The following HSD17B4 variants were observed in gnomAD, a reference collection of about 807,000 sequenced individuals.
The protein encoded by HSD17B4 is hydroxysteroid 17-beta dehydrogenase 4.
Under a neutral mutation model 101.0 loss-of-function variants are expected in HSD17B4, and 70 were observed. The ratio of observed to expected loss-of-function variants is 0.69; its 90% confidence interval spans 0.57 to 0.85. HSD17B4 has a LOEUF of 0.85. Among genes scored for constraint, HSD17B4 ranks in the 40% least tolerant of loss-of-function variants. The pLI, the probability that HSD17B4 is intolerant of heterozygous loss-of-function variation, is 0.00. For missense variants in HSD17B4, 984 were observed against 892.4 expected, an observed-to-expected ratio of 1.10 and a Z score of -1.31; for synonymous variants, 347 against 297.1, an observed-to-expected ratio of 1.17 and a Z score of -1.73.
At chr5:119,530,561 A>G (rs555227171) in intron 21 of HSD17B4, among the ~76,000 whole-genome samples, 18 of 151,796 alleles carry the variant, frequency 1.2e-4, no homozygotes, top group Non-Finnish European at 2.1e-4. Context: ...CTAAGAAAAA[A>G]AAAAACTTAG....
rs139609197 is a variant in HSD17B4, at chr5:119,536,541, C to A, written c.2112C>A (p.Asp704Glu). The A allele has an allele frequency of 1.8e-4, 287 of 1,611,748 alleles. No homozygotes were observed. The highest frequency in any genetic ancestry group is 2.4e-4 in the Non-Finnish European group (281 of 1,178,128). The change falls in exon 23 of 24, where the codon GAC becomes GAA. Residue 704 changes from aspartate to glutamate, a missense_variant. Coordinates refer to ENST00000510025, the MANE Select transcript of HSD17B4 (RefSeq NM_000414.4). ...TGGAGGTGGTCCTGGGCAAGCTTGA[C>A]CCTCAGAAGGTAATGTTCTCAAATG... ...DFMEVVLGKLDPQKAFFSGRL... is the reference protein window; with the variant it reads ...DFMEVVLGKLEPQKAFFSGRL...
Position 119,496,608 on chromosome 5 carries a change from C to T in HSD17B4, c.934C>T (p.His312Tyr), listed in dbSNP as rs974081530. ...TTCAGAAGGAGGAGTTTCAGCAAAT[C>T]ATACTAGTCGTGCAACGTCTACAGC... ...IDSEGGVSANHTSRATSTATS... is the reference protein window; with the variant it reads ...IDSEGGVSANYTSRATSTATS... Residue 312 changes from histidine (H) to tyrosine (Y), a missense_variant, in exon 12 of 24, where the codon CAT becomes TAT. His to Tyr is a moderately conservative substitution (Grantham distance 83). Transcript: ENST00000510025. 1.9e-6 allele frequency: 3 copies of T among 1,606,028 alleles called. No individual in the cohort carries two copies. Among genetic ancestry groups the T allele is most frequent in the Non-Finnish European group, 2.6e-6 (3 of 1,172,688 alleles).
intron 8 of HSD17B4, among the ~76,000 whole-genome samples, chr5:119,480,691 A>C (rs1219635190): frequency 6.6e-6 from 1 of 152,134 alleles, no homozygotes; most frequent in Admixed American, 6.6e-5. Context: ...GGTCTGACCA[A>C]AATTTATTAG....
chr5:119,459,373 A>G (rs1467677230), intron 2 of HSD17B4, among the ~76,000 whole-genome samples: 1 of 152,210 alleles, frequency 6.6e-6, no homozygotes. Context: ...CCTGCTTACC[A>G]TATATGACTC....
intron 16 of HSD17B4, among the ~76,000 whole-genome samples, chr5:119,512,282 A>C (rs1752245483): frequency 1.3e-5 from 2 of 152,310 alleles, no homozygotes; most frequent in Non-Finnish European, 2.9e-5. Context: ...AGAAAGGAAC[A>C]GAAAAAAATT....
chr5:119,494,063 A>G (rs776262464), intron 11 of HSD17B4, 117 bp downstream of exon 11: 34 of 1,016,012 alleles, frequency 3.3e-5, no homozygotes, highest in Non-Finnish European at 4.8e-5. Flanking sequence ...TGAATCGTCT[A>G]TAGCATATTT....
At chr5:119,462,464 A>G (rs554040689) in intron 2 of HSD17B4, among the ~76,000 whole-genome samples, 20 of 151,964 alleles carry the variant, frequency 1.3e-4, no homozygotes, top group Admixed American at 1.0e-3. Flanking sequence ...AGTAGGAACA[A>G]TTGTTACTGC....
intron 14 of HSD17B4, among the ~76,000 whole-genome samples, chr5:119,502,505 C>CT (rs150987924): frequency 0.11 from 16,219 of 145,948 alleles, 1,055 homozygotes; most frequent in South Asian, 0.15. Flanking sequence ...TCATTTTTTT[C>CT]TTTTTTTTTG....
chr5:119,533,326 C>T (rs552617530), intron 22 of HSD17B4, among the ~76,000 whole-genome samples: 2 of 148,414 alleles, frequency 1.3e-5, no homozygotes, highest in African/African-American at 2.5e-5. Flanking sequence ...TAATTATTTA[C>T]AGGCTGTGTG....
chr5:119,490,137 GA>G (rs771014089), intron 9 of HSD17B4, among the ~76,000 whole-genome samples: 2 of 151,952 alleles, frequency 1.3e-5, no homozygotes, highest in Non-Finnish European at 2.9e-5. Context: ...TCATTTGAAT[GA>G]AAAGCTGATG....
chr5:119,494,337 CTTT>C (rs769912204), intron 11 of HSD17B4, among the ~76,000 whole-genome samples: 1,524 of 136,930 alleles, frequency 0.011, 11 homozygotes, highest in Non-Finnish European at 0.017. Flanking sequence ...TTCTTTCTTT[CTTT>C]CTTTCTTTCT....
chr5:119,482,992 A>G (rs1359422859), intron 8 of HSD17B4, among the ~76,000 whole-genome samples: 1 of 151,978 alleles, frequency 6.6e-6, no homozygotes, highest in Non-Finnish European at 1.5e-5. Flanking sequence ...TAGGTCAGAC[A>G]AGGCTCTGGT....
At chr5:119,476,002 C>G in intron 6 of HSD17B4, 132 bp downstream of exon 6, 2 of 700,526 alleles carry the variant, frequency 2.9e-6, no homozygotes, top group South Asian at 3.2e-5. Flanking sequence ...GATGAGTAAA[C>G]TGTATACTGA....
chr5:119,483,715 A>G (rs1170350817), intron 8 of HSD17B4, among the ~76,000 whole-genome samples: 2 of 152,160 alleles, frequency 1.3e-5, no homozygotes, highest in Non-Finnish European at 2.9e-5. Context: ...CAAATGGTCA[A>G]CAGCCAATTT....
chr5:119,518,529 G>C (rs1752846841), intron 17 of HSD17B4, among the ~76,000 whole-genome samples: 1 of 152,162 alleles, frequency 6.6e-6, no homozygotes, highest in Non-Finnish European at 1.5e-5. Flanking sequence ...CGGATATGTA[G>C]GGCTTGCAGT....
chr5:119,455,079 T>C (rs1168703858), intron 1 of HSD17B4, among the ~76,000 whole-genome samples: 2 of 152,238 alleles, frequency 1.3e-5, no homozygotes, highest in Non-Finnish European at 2.9e-5. Flanking sequence ...TATACACATA[T>C]TAAAAAATGT....
chr5:119,472,981 G>A (rs1008109624), intron 2 of HSD17B4, among the ~76,000 whole-genome samples: 7 of 152,094 alleles, frequency 4.6e-5, no homozygotes, highest in East Asian at 1.9e-4. Context: ...GCAGAATTAC[G>A]TTTCATTGCT....
intron 2 of HSD17B4, among the ~76,000 whole-genome samples, chr5:119,463,154 G>A (rs181000836): frequency 6.6e-6 from 1 of 152,192 alleles, no homozygotes; most frequent in African/African-American, 2.4e-5. Flanking sequence ...ATTTCCTCCA[G>A]GCTCATCCAT....
intron 8 of HSD17B4, among the ~76,000 whole-genome samples, chr5:119,482,046 G>A (rs960228386): frequency 2.0e-5 from 3 of 151,968 alleles, no homozygotes; most frequent in Non-Finnish European, 2.9e-5. Flanking sequence ...GTGGTTTGGT[G>A]TCTGTCATTA....
Sources: gnomAD v4.1 joint callset for allele counts (sites outside exome capture counted in the v4.1 genomes callset) on GRCh38, gnomAD v4.1.1 for gene constraint, MANE v1.5 for transcripts, NCBI Gene and HGNC (gene_info 2026-07-23, HGNC 2026-07-21) for gene names.